The following TMEM132E variants were observed in gnomAD, a reference collection of about 807,000 sequenced individuals.
TMEM132E encodes the protein transmembrane protein 132E.
TMEM132E carries 49 observed loss-of-function variants against 78.5 expected under a neutral mutation model. That is an observed-to-expected ratio of 0.62 (90% CI 0.50 to 0.79). The LOEUF (loss-of-function observed/expected upper bound fraction) is 0.79. Ranked by LOEUF, TMEM132E falls within the 30% of genes least tolerant of loss-of-function variation. The pLI, the probability that TMEM132E is intolerant of heterozygous loss-of-function variation, is 0.00. For synonymous variants in TMEM132E, 715 were observed against 670.6 expected (o/e 1.07, Z -1.02); for missense variants, 1,403 against 1,470.9 (o/e 0.95, Z 0.75).
chr17:34,626,315 G>A lies in TMEM132E; in HGVS notation c.256G>A (p.Glu86Lys). The change falls in exon 2 of 9, where the codon GAG (glutamate) becomes AAG (lysine). Residue 86 changes from glutamate to lysine, a missense_variant. Around this residue, in one of 3 missense-constraint regions of TMEM132E, gnomAD observed 511 missense variants for 499.0 expected, o/e 1.02. Coordinates refer to ENST00000631683, the MANE Select transcript of TMEM132E (RefSeq NM_001304438.2). ...SEPFVVFQTKELPVLNVSLGP... is the reference protein window; with the variant it reads ...SEPFVVFQTKKLPVLNVSLGP... ...GCCCTTCGTGGTGTTCCAGACCAAG[G>A]AGCTGCCGGTCCTCAACGTCTCTCT... is the stretch of plus-strand genomic sequence containing the variant. 1 of 1,612,152 alleles carries A rather than the reference G, an allele frequency of 6.2e-7. No homozygotes were observed. The highest frequency in any genetic ancestry group is 2.2e-5 in the East Asian group (1 of 44,804).
rs765317464 is a variant in TMEM132E at position 34,636,127 on chromosome 17, C to T, written c.2098C>T (p.Pro700Ser). The change falls in exon 8 of 9, where the codon CCC (proline) becomes TCC (serine). Residue 700 changes from proline to serine, a missense_variant. Coordinates refer to ENST00000631683, the MANE Select transcript of TMEM132E (RefSeq NM_001304438.2). The part of the protein sequence containing the change: ...VVASLALSLR[P>S]SPGSSHTILA... Reference sequence around the variant, plus strand: ...GGCCAGCCTGGCCCTCTCCCTGCGGCCCAGCCCTGGGAGCAGCCACACCAT... The same window carrying T: ...GGCCAGCCTGGCCCTCTCCCTGCGGTCCAGCCCTGGGAGCAGCCACACCAT... 1.3e-6 allele frequency: 2 copies of T among 1,592,700 alleles called. No individual in the cohort carries two copies. The highest frequency in any genetic ancestry group is 1.8e-5 in the Admixed American group (1 of 56,856).
At chr17:34,620,397 C>A (rs1228414583) in intron 1 of TMEM132E, among the ~76,000 whole-genome samples, 1 of 152,252 alleles carries the variant, frequency 6.6e-6, no homozygotes, top group Non-Finnish European at 1.5e-5. Flanking sequence ...TTAGGGAGGG[C>A]AGTGTTCAGG....
chr17:34,599,204 G>T (rs546604908), intron 1 of TMEM132E, among the ~76,000 whole-genome samples: 4 of 152,172 alleles, frequency 2.6e-5, no homozygotes, highest in Non-Finnish European at 2.9e-5. Context: ...GAGGTGGGGG[G>T]TTCCCCACAG....
At position 34,638,258 on chromosome 17, in the gene TMEM132E, C is replaced by A; in HGVS notation, c.*26C>A. On this transcript the variant is annotated 3_prime_UTR_variant, in exon 9 of 9. Transcript: ENST00000631683. ...AGGCGCCAGCCGGAGTAGCAGGGAC[C>A]CCCCCCCCCAACGGGGTCAGCTCGG... 2.8e-6 allele frequency: 4 copies of A among 1,411,072 alleles called. No individual in the cohort carries two copies. The highest frequency in any genetic ancestry group is 2.5e-5 in the Admixed American group (1 of 39,582). The allele number at this position is 1,411,072 out of a possible 1,614,324, so 87.4% of individuals were successfully genotyped here.
chr17:34,628,489 G>A (rs1907231816), intron 2 of TMEM132E, 74 bp from the exon 3 acceptor site: 1 of 1,583,610 alleles, frequency 6.3e-7, no homozygotes, highest in Admixed American at 1.8e-5. Context: ...GTACAGTCTA[G>A]TGATGGTGGC....
chr17:34,616,482 G>A (rs569930190), intron 1 of TMEM132E, among the ~76,000 whole-genome samples: 6 of 152,152 alleles, frequency 3.9e-5, no homozygotes, highest in South Asian at 2.1e-4. Context: ...TGTATTCCCC[G>A]GCTACATGTC....
chr17:34,620,251 G>A (rs2142074322), intron 1 of TMEM132E, among the ~76,000 whole-genome samples: 1 of 152,346 alleles, frequency 6.6e-6, no homozygotes, highest in South Asian at 2.1e-4. Context: ...GCAAGCCTGG[G>A]CAGGTACCCC....
At chr17:34,585,855 G>A (rs986372075) in intron 1 of TMEM132E, among the ~76,000 whole-genome samples, 30 of 152,302 alleles carry the variant, frequency 2.0e-4, no homozygotes, top group African/African-American at 7.0e-4. Flanking sequence ...CCAACTGGGG[G>A]GAATGAGACA....
chr17:34,595,710 C>A (rs1906035197), intron 1 of TMEM132E, among the ~76,000 whole-genome samples: 1 of 152,208 alleles, frequency 6.6e-6, no homozygotes, highest in East Asian at 1.9e-4. Flanking sequence ...GTGTGCCTGA[C>A]TCCCAGGCCA....
At position 34,629,985 on chromosome 17, in the gene TMEM132E, C is replaced by T. The variant is rs750893873; in HGVS notation, c.1339-23C>T. 7 of 1,570,634 alleles carry T rather than the reference C, an allele frequency of 4.5e-6. No individual in the cohort carries two copies. In the Admixed American group the frequency reaches 5.2e-5, roughly 12 times the overall value. ...GGACAGAAGGGGACCACAAGTAGAG[C>T]CCCCCCCTTCTCCTCCCTGCAGGAC... is the stretch of plus-strand genomic sequence containing the variant. On this transcript the variant is annotated intron_variant, in intron 4 of 8. Coordinates refer to ENST00000631683, the MANE Select transcript of TMEM132E (RefSeq NM_001304438.2).
chr17:34,617,042 GC>G (rs1163744402), intron 1 of TMEM132E, among the ~76,000 whole-genome samples: 1 of 152,218 alleles, frequency 6.6e-6, no homozygotes, highest in East Asian at 1.9e-4. Context: ...CTGCCCTGGT[GC>G]TTAGGGAAGG....
rs755645329 is a variant in TMEM132E, at chr17:34,626,200, C to T, written c.141C>T (p.Tyr47=). ...CCAGCCCGGTGCTGCCAGTCAGCTA[C>T]CGCCTGTCGCACACGCGGCTGGCCT... The part of the protein sequence containing the change: ...PQASPVLPVS[Y]RLSHTRLAFF... Residue 47 remains tyrosine (Y), a synonymous_variant, in exon 2 of 9, where the codon TAC becomes TAT. Coordinates refer to ENST00000631683, the MANE Select transcript of TMEM132E (RefSeq NM_001304438.2). The T allele has an allele frequency of 1.7e-5, 27 of 1,571,772 alleles. No individual in the cohort carries two copies. The East Asian group carries it at 6.3e-4, about 37-fold the overall frequency.
At chr17:34,629,971 G>A (rs1907297698) in intron 4 of TMEM132E, 37 bp from the exon 5 acceptor site, 1 of 1,574,868 alleles carries the variant, frequency 6.3e-7, no homozygotes, top group Non-Finnish European at 8.7e-7. Context: ...GACAGAAGGG[G>A]ACCACAAGTA....
intron 1 of TMEM132E, among the ~76,000 whole-genome samples, chr17:34,589,938 G>A (rs539005416): frequency 6.6e-6 from 1 of 152,330 alleles, no homozygotes; most frequent in African/African-American, 2.4e-5. Flanking sequence ...TGCCAACACA[G>A]CAGAGAAATG....
chr17:34,627,467 C>CGTGTGCGTGTGTGTGTGTGT (rs146318983), intron 2 of TMEM132E, among the ~76,000 whole-genome samples: 61 of 126,536 alleles, frequency 4.8e-4, no homozygotes, highest in African/African-American at 1.8e-3. Context: ...CCAAAAGAAT[C>CGTGTGCGTGTGTGTGTGTGT]GTGTGTGTGT....
chr17:34,595,226 G>A (rs1259802289), intron 1 of TMEM132E, among the ~76,000 whole-genome samples: 1 of 152,228 alleles, frequency 6.6e-6, no homozygotes, highest in Non-Finnish European at 1.5e-5. Flanking sequence ...GGGAACCTCA[G>A]CTCTGACAGC....
At position 34,630,022 on chromosome 17, in the gene TMEM132E, C is replaced by A. The variant is rs766833713; in HGVS notation, c.1353C>A (p.Ile451=). 3 of 1,610,792 alleles carry A rather than the reference C, an allele frequency of 1.9e-6. No individual in the cohort carries two copies. The highest frequency in any genetic ancestry group is 3.3e-5 in the Admixed American group (2 of 59,946). ...ILPLAMDTEI[I]NTAILTGRTV... ...CCTCCCTGCAGGACACAGAGATCATCAACACGGCCATTCTGACTGGCCGGA... is the reference window on the plus strand; with the variant it reads ...CCTCCCTGCAGGACACAGAGATCATAAACACGGCCATTCTGACTGGCCGGA... The change falls in exon 5 of 9, where the codon ATC becomes ATA. Residue 451 remains isoleucine, a synonymous_variant. Coordinates refer to ENST00000631683, the MANE Select transcript of TMEM132E (RefSeq NM_001304438.2).
At chr17:34,629,295 T>C in intron 4 of TMEM132E, 91 bp downstream of exon 4, 1 of 1,403,172 alleles carries the variant, frequency 7.1e-7, no homozygotes, top group Non-Finnish European at 9.7e-7. Context: ...TGAGTATATG[T>C]ACAAATTGAC....
intron 1 of TMEM132E, among the ~76,000 whole-genome samples, chr17:34,604,308 C>G (rs1024225701): frequency 2.6e-5 from 4 of 152,266 alleles, no homozygotes; most frequent in Admixed American, 1.3e-4. Context: ...TCCCCTGGAC[C>G]ATGACAGCTG....
Sources: gnomAD v4.1 joint callset for allele counts (sites outside exome capture counted in the v4.1 genomes callset) on GRCh38, gnomAD v4.1.1 for gene constraint, gnomAD v4.1.1 regional missense constraint, MANE v1.5 for transcripts, NCBI Gene and HGNC (gene_info 2026-07-23, HGNC 2026-07-21) for gene names.